Variants in ZSWIM9 observed in about 807,000 individuals in gnomAD.
ZSWIM9 encodes uncharacterized protein ZSWIM9.
ZSWIM9 carries 11 observed loss-of-function variants against 25.0 expected under a neutral mutation model. The observed-to-expected ratio is 0.44, with a 90% confidence interval of 0.28 to 0.73. ZSWIM9 has a LOEUF of 0.73. Among genes scored for constraint, ZSWIM9 ranks in the 30% least tolerant of loss-of-function variants. ZSWIM9 has a pLI of 0.16. For missense variants in ZSWIM9, 1,070 were observed against 1,296.5 expected, an observed-to-expected ratio of 0.83 and a Z score of 2.68; for synonymous variants, 562 against 582.1, an observed-to-expected ratio of 0.97 and a Z score of 0.50.
At position 48,187,961 on chromosome 19, in the gene ZSWIM9, T is replaced by C. The variant is rs181775540; in HGVS notation, c.588+5194T>C. ...TTAAATAGATAGATAGATAGATAGA[T>C]AGATAGATAGATAGATAGATAGATA... On this transcript the variant is annotated intron_variant, in intron 3 of 3. Coordinates refer to ENST00000614654, the MANE Select transcript of ZSWIM9 (RefSeq NM_199341.4). 8.7e-3 allele frequency among the ~76,000 whole-genome samples: 1,295 copies of C among 149,548 alleles called. 20 individuals are homozygous for C. Among genetic ancestry groups the C allele is most frequent in the African/African-American group, 0.031 (1,237 of 39,786 alleles).
intron 3 of ZSWIM9, among the ~76,000 whole-genome samples, chr19:48,190,282 T>A (rs539358061): frequency 1.3e-5 from 2 of 151,834 alleles, no homozygotes; most frequent in East Asian, 3.9e-4. Flanking sequence ...AAAGGAAAAA[T>A]TAGAGGGCGA....
In ZSWIM9 at chr19:48,183,834, G is replaced by C. The variant is rs537482106; in HGVS notation, c.588+1067G>C. ...TAGTTTTTGTAGAGATGTTTGGCGG[G>C]GGGGGGTCTCCCTATGTTGCCCAGG... On this transcript the variant is annotated intron_variant, in intron 3 of 3. Transcript: ENST00000614654. Among the ~76,000 whole-genome samples, 16 of 151,026 alleles carry C rather than the reference G, an allele frequency of 1.1e-4. No homozygotes were observed. In the South Asian group the frequency reaches 2.1e-3, roughly 20 times the overall value.
rs1229347402 is a variant in ZSWIM9 at position 48,195,153 on chromosome 19, C to G, written c.1089C>G (p.Ala363=). ...SSPAAYDEAL[A]ELHAHGPAAF... ...CCGCAGCCTACGACGAGGCGCTGGC[C>G]GAGCTCCACGCCCACGGCCCAGCCG... Residue 363 remains alanine, a synonymous_variant, in exon 4 of 4, where the codon GCC becomes GCG. Transcript: ENST00000614654. This position sits in a 1 kb window ranked among gnomAD's most constrained non-coding sequence, Gnocchi z 5.8. 1.3e-6 allele frequency: 2 copies of G among 1,513,774 alleles called. No individual in the cohort carries two copies. The highest frequency in any genetic ancestry group is 1.8e-6 in the Non-Finnish European group (2 of 1,135,378). 93.8% of individuals were successfully genotyped at this position (1,513,774 alleles called of 1,614,324 possible). A position where few individuals can be genotyped will look rare whatever the true frequency, so the allele number is the denominator to read the frequency against.
At chr19:48,171,746 G>C (rs568805219) in intron 1 of ZSWIM9, 48 bp from the exon 2 acceptor site, 29 of 1,472,962 alleles carry the variant, frequency 2.0e-5, no homozygotes, top group Non-Finnish European at 2.6e-5. Context: ...GAGATACCCC[G>C]GGTGGGAATG....
At chr19:48,191,997 T>G (rs544388697) in intron 3 of ZSWIM9, 8 of 154,856 alleles carry the variant, frequency 5.2e-5, no homozygotes, top group African/African-American at 1.9e-4. Context: ...AAAAGGGGAA[T>G]GAGAATCATA....
intron 3 of ZSWIM9, among the ~76,000 whole-genome samples, chr19:48,188,578 C>T (rs917097211): frequency 1.1e-4 from 16 of 152,136 alleles, no homozygotes; most frequent in Admixed American, 2.0e-4. Flanking sequence ...CTTTGGGGTC[C>T]AGTCACATCT....
intron 3 of ZSWIM9, among the ~76,000 whole-genome samples, chr19:48,190,995 T>C (rs1251624595): frequency 6.6e-6 from 1 of 152,162 alleles, no homozygotes. Flanking sequence ...CCTATTTACC[T>C]TCTCCAACCC....
intron 1 of ZSWIM9, among the ~76,000 whole-genome samples, chr19:48,170,950 G>T (rs1157643671): frequency 6.6e-6 from 1 of 151,992 alleles, no homozygotes; most frequent in Non-Finnish European, 1.5e-5. Context: ...GATGCATATT[G>T]CGGGGGATGG....
At chr19:48,187,275 C>A (rs1452571278) in intron 3 of ZSWIM9, among the ~76,000 whole-genome samples, 1 of 144,636 alleles carries the variant, frequency 6.9e-6, no homozygotes, top group Non-Finnish European at 1.5e-5. Flanking sequence ...GGTGTTCAAT[C>A]CATCACTTTT....
chr19:48,192,476 A>T (rs372362233), intron 3 of ZSWIM9, among the ~76,000 whole-genome samples: 5,271 of 21,018 alleles, frequency 0.25, 778 homozygotes, highest in Non-Finnish European at 0.3. Flanking sequence ...AAAAAAAAAA[A>T]AAAAATATAT....
At chr19:48,180,344 G>A (rs1232817598) in intron 2 of ZSWIM9, among the ~76,000 whole-genome samples, 1 of 134,686 alleles carries the variant, frequency 7.4e-6, no homozygotes, top group African/African-American at 2.9e-5. Context: ...TTTTTTTTGA[G>A]AGGTAGGGGT....
rs2037162458 is a variant in ZSWIM9, at chr19:48,196,147, G to C, written c.2083G>C (p.Glu695Gln). The change falls in exon 4 of 4, where the codon GAG becomes CAG. Residue 695 changes from glutamate (E) to glutamine (Q), a missense_variant. Physicochemically the swap from Glu to Gln is conservative, Grantham distance 29. Around this residue, in one of 4 missense-constraint regions of ZSWIM9, gnomAD observed 583 missense variants for 624.7 expected, o/e 0.93. Coordinates refer to ENST00000614654, the MANE Select transcript of ZSWIM9 (RefSeq NM_199341.4). ...GGAAGATGAGAGGAGGAGAGGGCCA[G>C]AGATTGCAGAGGAGAGGGGAGCGAG... ...QWEDERRRGP[E>Q]IAEERGARVG... 9 of 1,240,768 alleles carry C rather than the reference G, an allele frequency of 7.3e-6. No homozygotes were observed. Among genetic ancestry groups the C allele is most frequent in the Non-Finnish European group, 8.1e-6 (8 of 993,724 alleles). 76.9% of individuals were successfully genotyped at this position (1,240,768 alleles called of 1,614,324 possible).
intron 2 of ZSWIM9, among the ~76,000 whole-genome samples, chr19:48,176,943 C>T (rs551118898): frequency 6.1e-4 from 93 of 151,546 alleles, no homozygotes; most frequent in Non-Finnish European, 8.5e-4. Flanking sequence ...GGTGTGGCGG[C>T]GTGTACCTGT....
At chr19:48,185,735 C>G (rs1482864636) in intron 3 of ZSWIM9, among the ~76,000 whole-genome samples, 2 of 152,148 alleles carry the variant, frequency 1.3e-5, no homozygotes, top group African/African-American at 4.8e-5. Flanking sequence ...ACCTGTAATC[C>G]CAGCACTTTG....
At chr19:48,180,966 T>C (rs905526344) in intron 2 of ZSWIM9, 10 of 150,664 alleles carry the variant, frequency 6.6e-5, no homozygotes, top group African/African-American at 2.4e-4. Flanking sequence ...TATATTTTTT[T>C]AGTAGAGACA....
chr19:48,176,455 G>A (rs918075769), intron 2 of ZSWIM9, among the ~76,000 whole-genome samples: 3 of 152,044 alleles, frequency 2.0e-5, no homozygotes, highest in Admixed American at 2.0e-4. Flanking sequence ...TTGTTCCCAG[G>A]ATAACACAGC....
intron 2 of ZSWIM9, among the ~76,000 whole-genome samples, chr19:48,178,420 G>A (rs1046144904): frequency 2.6e-5 from 4 of 152,042 alleles, no homozygotes; most frequent in African/African-American, 9.7e-5. Flanking sequence ...GGGGCCATTT[G>A]GAAAAAGCAT....
chr19:48,195,336 G>T lies in ZSWIM9; in HGVS notation c.1272G>T (p.Ala424=). Reference sequence around the variant, plus strand: ...GTCTCAGCCCCTCGCGTGGCGTGGCGCAGTGCCTTCGCGACCTGGTGGCCA... The same window carrying T: ...GTCTCAGCCCCTCGCGTGGCGTGGCTCAGTGCCTTCGCGACCTGGTGGCCA... The part of the protein sequence containing the change: ...LRRLSPSRGV[A]QCLRDLVAMQ... Residue 424 remains alanine (A), a synonymous_variant, in exon 4 of 4, where the codon GCG becomes GCT. Coordinates refer to ENST00000614654, the MANE Select transcript of ZSWIM9 (RefSeq NM_199341.4). This position sits in a 1 kb window ranked among gnomAD's most constrained non-coding sequence, Gnocchi z 5.8. The T allele has an allele frequency of 6.5e-7, 1 of 1,528,270 alleles. No individual in the cohort carries two copies. The highest frequency in any genetic ancestry group is 8.7e-7 in the Non-Finnish European group (1 of 1,143,974). The allele number at this position is 1,528,270 out of a possible 1,614,324, so 94.7% of individuals were successfully genotyped here. A position where few individuals can be genotyped will look rare whatever the true frequency, so the allele number is the denominator to read the frequency against.
At position 48,196,030 on chromosome 19, in the gene ZSWIM9, A is replaced by T; in HGVS notation, c.1966A>T (p.Arg656Trp). The T allele has an allele frequency of 4.7e-6, 6 of 1,263,948 alleles. No homozygotes were observed. In the East Asian group the frequency reaches 1.9e-4, roughly 40 times the overall value. The allele number at this position is 1,263,948 out of a possible 1,614,324, so 78.3% of individuals were successfully genotyped here. A position where few individuals can be genotyped will look rare whatever the true frequency, so the allele number is the denominator to read the frequency against. ...KGPQSEVEKGRGLEVRNLRGI... is the reference protein window; with the variant it reads ...KGPQSEVEKGWGLEVRNLRGI... ...GCCACAGTCAGAAGTAGAGAAGGGG[A>T]GGGGGCTGGAGGTCAGAAACTTGAG... The change falls in exon 4 of 4, where the codon AGG becomes TGG. Residue 656 changes from arginine to tryptophan, a missense_variant. Coordinates refer to ENST00000614654, the MANE Select transcript of ZSWIM9 (RefSeq NM_199341.4).
Sources: gnomAD v4.1 joint callset for allele counts (sites outside exome capture counted in the v4.1 genomes callset) on GRCh38, gnomAD v4.1.1 for gene constraint, gnomAD v4.1.1 regional missense constraint, Gnocchi (gnomAD v3.1) non-coding constraint, MANE v1.5 for transcripts, NCBI Gene and HGNC (gene_info 2026-07-23, HGNC 2026-07-21) for gene names.